The following COL5A3 variants were observed in gnomAD, a reference collection of about 807,000 sequenced individuals.
COL5A3 encodes collagen type V alpha 3 chain.
In COL5A3, 172 loss-of-function variants were observed where a neutral mutation model predicts 250.0. The ratio of observed to expected loss-of-function variants is 0.69; its 90% confidence interval spans 0.61 to 0.78. The LOEUF (loss-of-function observed/expected upper bound fraction) is 0.78, where lower values mean the gene tolerates loss of function less well. COL5A3 is among the 30% of genes least tolerant of loss of function. The pLI is 0.00. For missense variants in COL5A3, 2,340 were observed against 2,334.4 expected (o/e 1.00, Z -0.05); for synonymous variants, 937 against 900.4 (o/e 1.04, Z -0.73).
intron 41 of COL5A3, 126 bp downstream of exon 41, chr19:9,978,448 T>G: frequency 1.5e-6 from 1 of 685,720 alleles, no homozygotes; most frequent in South Asian, 1.7e-5. Flanking sequence ...GATCTTGAAC[T>G]CCTGACCTCA....
chr19:9,991,918 GGTCA>G, intron 22 of COL5A3, 77 bp from the exon 23 acceptor site: 1 of 1,569,092 alleles, frequency 6.4e-7, no homozygotes, highest in Non-Finnish European at 8.8e-7. Flanking sequence ...ACTTGGGGGG[GGTCA>G]GTCATGGAAG....
chr19:9,973,765 C>G lies in COL5A3; in HGVS notation c.3603G>C (p.Val1201=), dbSNP rs779602697. 5.0e-5 allele frequency: 80 copies of G among 1,613,926 alleles called. No individual in the cohort carries two copies. Among genetic ancestry groups the G allele is most frequent in the Non-Finnish European group, 6.5e-5 (77 of 1,179,978 alleles). Residue 1201 remains valine (V), a synonymous_variant, in exon 49 of 67, where the codon GTG becomes GTC. Coordinates refer to ENST00000264828, the MANE Select transcript of COL5A3 (RefSeq NM_015719.4). ...GCCTTCCCTCACTCACCTTCTCACC[C>G]ACGGCGCCTGGCTGACCAACTCCTC... The part of the protein sequence containing the change: ...LPGGVGQPGA[V]GEKGERGDAG...
At chr19:9,970,394 AGT>A (rs2086821991) in intron 54 of COL5A3, among the ~76,000 whole-genome samples, 1 of 54,942 alleles carries the variant, frequency 1.8e-5, no homozygotes, top group Non-Finnish European at 3.4e-5. Flanking sequence ...CTGTGGGGTG[AGT>A]GGGGTCTGTG....
At chr19:9,991,698 C>G (rs539980086) in intron 23 of COL5A3, 44 bp from the exon 24 acceptor site, 1 of 1,607,932 alleles carries the variant, frequency 6.2e-7, no homozygotes, top group African/African-American at 1.3e-5. Context: ...AAGAAAGAAG[C>G]GGTGAGTGTG....
At chr19:9,982,026 C>G (rs1439696424) in intron 32 of COL5A3, 39 bp downstream of exon 32, 1 of 1,521,652 alleles carries the variant, frequency 6.6e-7, no homozygotes, top group South Asian at 1.1e-5. Flanking sequence ...TCCCCTCAGA[C>G]AAGTTCTCCC....
intron 64 of COL5A3, among the ~76,000 whole-genome samples, chr19:9,964,596 C>G (rs1052841053): frequency 2.6e-5 from 4 of 151,826 alleles, no homozygotes; most frequent in African/African-American, 9.7e-5. Flanking sequence ...AGAGTGAGAC[C>G]CTGTCTGAAA....
chr19:9,996,287 T>C (rs374043135), intron 13 of COL5A3, 25 bp from the exon 14 acceptor site: 430 of 1,554,746 alleles, frequency 2.8e-4, no homozygotes, highest in Admixed American at 4.0e-4. Flanking sequence ...GAGTCAGAGC[T>C]TGGGGCCTCC....
chr19:9,996,504 C>T lies in COL5A3; in HGVS notation c.1351G>A (p.Gly451Ser). The T allele has an allele frequency of 1.2e-6, 2 of 1,614,162 alleles. No homozygotes were observed. The highest frequency in any genetic ancestry group is 1.7e-6 in the Non-Finnish European group (2 of 1,180,010). The change falls in exon 13 of 67, where the codon GGC (glycine) becomes AGC (serine). Residue 451 changes from glycine (G) to serine (S), a missense_variant. Gly to Ser is a moderately conservative substitution (Grantham distance 56). Transcript: ENST00000264828. ...TVIMMPFQFAGGSFKGPPVSF... is the reference protein window; with the variant it reads ...TVIMMPFQFASGSFKGPPVSF... ...ACTGGGGGGCCTTTAAAGGAGCCGC[C>T]TGCAAACTGGAACTGGGAGGAATTT... is the stretch of plus-strand genomic sequence containing the variant.
rs891670970 is a variant in COL5A3 at position 9,959,924 on chromosome 19, C to T, written c.*487G>A. ...CTTCCCTCTGTAGTCCGACCTCAGT[C>T]CTTTCACCGTGGAAGTAGAAAGGAT... On this transcript the variant is annotated 3_prime_UTR_variant, in exon 67 of 67. Transcript: ENST00000264828. 2 of 162,636 alleles carry T rather than the reference C, an allele frequency of 1.2e-5. No homozygotes were observed. Among genetic ancestry groups the T allele is most frequent in the Admixed American group, 5.8e-5 (1 of 17,292 alleles). The allele number at this position is 162,636 out of a possible 1,614,324, so 10.1% of individuals were successfully genotyped here. A position where few individuals can be genotyped will look rare whatever the true frequency, so the allele number is the denominator to read the frequency against.
rs2087487107 is a variant in COL5A3 at position 10,009,162 on chromosome 19, GTGTGTGTGTGTGTGTGT to G, written c.88+1119_88+1135del. 8.8e-5 allele frequency among the ~76,000 whole-genome samples: 1 copy of G among 11,320 alleles called. No homozygotes were observed. The highest frequency in any genetic ancestry group is 1.6e-4 in the African/African-American group (1 of 6,120). 7.4% of individuals were successfully genotyped at this position (11,320 alleles called of 152,430 possible). ...ACTCCAAAGTAAGAAGTGTGCTGTG[GTGTGTGTGTGTGTGTGT>G]GTGTGTGTGTGTGTGTGTGTGTGTG... On this transcript the variant is annotated intron_variant, in intron 1 of 66. Coordinates refer to ENST00000264828, the MANE Select transcript of COL5A3 (RefSeq NM_015719.4). The surrounding 1 kb of genome is among the most constrained non-coding windows in gnomAD (Gnocchi z 4.4).
At chr19:10,001,959 C>A in intron 6 of COL5A3, 78 bp from the exon 7 acceptor site, 1 of 945,484 alleles carries the variant, frequency 1.1e-6, no homozygotes, top group South Asian at 1.5e-5. Flanking sequence ...CCCACTGTCC[C>A]CAGGAGCTCC....
chr19:9,966,649 G>A lies in COL5A3; in HGVS notation c.4556C>T (p.Ser1519Leu), dbSNP rs1027315262. ...VEGGLEEVLA[S>L]LTSLSLELEQ... ...CAGCTCCAAGCTCAGCGATGTGAGC[G>A]AGGCCAGCACCTCCTCCAGGCCGCC... The change falls in exon 63 of 67, where the codon TCG becomes TTG. Residue 1519 changes from serine to leucine, a missense_variant. Transcript: ENST00000264828. 2 of 1,538,258 alleles carry A rather than the reference G, an allele frequency of 1.3e-6. No individual in the cohort carries two copies. Among genetic ancestry groups the A allele is most frequent in the African/African-American group, 2.7e-5 (2 of 73,156 alleles).
At chr19:9,967,763 G>A (rs763966940) in intron 61 of COL5A3, 141 bp downstream of exon 61, 11 of 786,488 alleles carry the variant, frequency 1.4e-5, no homozygotes, top group East Asian at 1.4e-4. Flanking sequence ...AAATACAACC[G>A]TAGGTGTTGA....
At chr19:9,982,163 G>C in intron 31 of COL5A3, 45 bp from the exon 32 acceptor site, 5 of 1,402,346 alleles carry the variant, frequency 3.6e-6, no homozygotes, top group Non-Finnish European at 4.9e-6. Context: ...TGAGGAGTGA[G>C]TGGTGGGTGG....
At position 9,997,436 on chromosome 19, in the gene COL5A3, G is replaced by A. The variant is rs1001092054; in HGVS notation, c.1201-3C>T. The A allele has an allele frequency of 1.3e-6, 2 of 1,598,620 alleles. No individual in the cohort carries two copies. Among genetic ancestry groups the A allele is most frequent in the African/African-American group, 2.7e-5 (2 of 74,502 alleles). ...GGGCCTGAGGGGCCAACCACCCCCT[G>A]TTGGGGACAGAGAAACAGGAGTCAC... On this transcript the variant is annotated splice_polypyrimidine_tract_variant and splice_region_variant and intron_variant, in intron 10 of 66. Transcript: ENST00000264828.
rs117764838 is a variant in COL5A3, at chr19:9,985,515, C to T, written c.2406+327G>A. Reference sequence around the variant, plus strand: ...CCTCAAGTGATCCGCCTGCGTCTGCCGCCCAAAGTGTTGGGATTACAGCCA... The same window carrying T: ...CCTCAAGTGATCCGCCTGCGTCTGCTGCCCAAAGTGTTGGGATTACAGCCA... On this transcript the variant is annotated intron_variant, in intron 31 of 66. Transcript: ENST00000264828. 9.6e-3 allele frequency among the ~76,000 whole-genome samples: 1,456 copies of T among 152,156 alleles called. 26 individuals carry two copies. Among genetic ancestry groups the T allele is most frequent in the East Asian group, 0.077 (398 of 5,160 alleles).
At chr19:9,970,945 C>T (rs1197955240) in intron 53 of COL5A3, 30 bp downstream of exon 53, 1 of 1,545,908 alleles carries the variant, frequency 6.5e-7, no homozygotes, top group South Asian at 1.3e-5. Flanking sequence ...ACCCCCGCCT[C>T]AGCACCACAC....
intron 60 of COL5A3, 43 bp from the exon 61 acceptor site, chr19:9,967,982 C>A: frequency 6.2e-7 from 1 of 1,603,438 alleles, no homozygotes; most frequent in Non-Finnish European, 8.5e-7. Context: ...TGGCCTGGAC[C>A]ACCACAGTGA....
In COL5A3 at chr19:9,996,111, G is replaced by A. The variant is rs149416121; in HGVS notation, c.1488C>T (p.Pro496=). The change falls in exon 15 of 67, where the codon CCC becomes CCT. Residue 496 remains proline, a synonymous_variant. Coordinates refer to ENST00000264828, the MANE Select transcript of COL5A3 (RefSeq NM_015719.4). ...CCTCTCCTTTCAGACCTGGATGCCC[G>A]GGGAGACCCTTGGGGGAGGAGAGAT... is the stretch of plus-strand genomic sequence containing the variant. ...LTGRPGPVGL[P]GHPGLKGEEG... is the part of the protein sequence containing the mutation. 1.4e-4 allele frequency: 226 copies of A among 1,580,160 alleles called. 2 individuals are homozygous for A. The highest frequency in any genetic ancestry group is 1.0e-3 in the Middle Eastern group (6 of 5,880).
Sources: gnomAD v4.1 joint callset for allele counts (sites outside exome capture counted in the v4.1 genomes callset) on GRCh38, gnomAD v4.1.1 for gene constraint, Gnocchi (gnomAD v3.1) non-coding constraint, MANE v1.5 for transcripts, NCBI Gene and HGNC (gene_info 2026-07-23, HGNC 2026-07-21) for gene names.